Variants in AGBL4 observed in about 807,000 individuals in gnomAD.
The protein encoded by AGBL4 is AGBL carboxypeptidase 4, also known as cytosolic carboxypeptidase 6.
AGBL4 carries 58 observed loss-of-function variants against 66.4 expected under a neutral mutation model. That is an observed-to-expected ratio of 0.87 (90% confidence interval 0.71 to 1.09). AGBL4 has a LOEUF of 1.09. AGBL4 is among the 50% of genes least tolerant of loss of function. The pLI, the probability that AGBL4 is intolerant of heterozygous loss-of-function variation, is 0.00. For synonymous variants in AGBL4, 234 were observed against 222.9 expected, an observed-to-expected ratio of 1.05 and a Z score of -0.44; for missense variants, 579 against 631.0, an observed-to-expected ratio of 0.92 and a Z score of 0.88.
intron 2 of AGBL4, among the ~76,000 whole-genome samples, chr1:49,764,346 C>T (rs1021202924): frequency 3.3e-5 from 5 of 152,270 alleles, no homozygotes; most frequent in Non-Finnish European, 2.9e-5. Context: ...ACAGCCACAC[C>T]GCTTATGCCT....
chr1:49,662,102 T>C (rs559860395), intron 3 of AGBL4, among the ~76,000 whole-genome samples: 1 of 151,542 alleles, frequency 6.6e-6, no homozygotes, highest in South Asian at 2.1e-4. Context: ...TAAAAATCTA[T>C]AACATGGGTG....
chr1:49,413,712 A>G (rs1167260), intron 3 of AGBL4, among the ~76,000 whole-genome samples: 145,882 of 152,256 alleles, frequency 0.96, 69,933 homozygotes, highest in East Asian at 1. Context: ...CACAACAATC[A>G]CAATTTGCCT....
In AGBL4 at chr1:49,387,403, T is replaced by C. The variant is rs145856791; in HGVS notation, c.283-141539A>G. On this transcript the variant is annotated intron_variant, in intron 3 of 13. Transcript: ENST00000371839. Reference sequence around the variant, plus strand: ...TTTAATTAAGCAGCTCAACCTACTTTATTAAAGTTTTGACTATTTTACAGT... The same window carrying C: ...TTTAATTAAGCAGCTCAACCTACTTCATTAAAGTTTTGACTATTTTACAGT... Among the ~76,000 whole-genome samples, 4 of 151,930 alleles carry C rather than the reference T, an allele frequency of 2.6e-5. 1 individual carries two copies. Among genetic ancestry groups the C allele is most frequent in the African/African-American group, 9.7e-5 (4 of 41,426 alleles).
rs1331503142 is a variant in AGBL4, at chr1:49,880,763, C to A, written c.35-29245G>T. ...GGCGGGCGCCCCTCCCCCAGCCTTG[C>A]TGCCGCCTTGCAGTTTGATCTCAGA... On this transcript the variant is annotated intron_variant, in intron 1 of 13. Transcript: ENST00000371839. Among the ~76,000 whole-genome samples the A allele has an allele frequency of 2.6e-4, 39 of 152,028 alleles. 1 individual carries two copies. Among genetic ancestry groups the A allele is most frequent in the Admixed American group, 2.6e-3 (39 of 15,282 alleles).
intron 8 of AGBL4, among the ~76,000 whole-genome samples, chr1:48,647,437 T>C (rs905064866): frequency 3.3e-5 from 5 of 152,246 alleles, no homozygotes; most frequent in African/African-American, 1.2e-4. Context: ...TTTGGACTCA[T>C]TTCTATGGTA....
intron 1 of AGBL4, among the ~76,000 whole-genome samples, chr1:49,936,426 C>T (rs980815031): frequency 1.3e-5 from 2 of 152,158 alleles, no homozygotes; most frequent in Non-Finnish European, 2.9e-5. Flanking sequence ...GGACATTACC[C>T]AGGAGAACTT....
chr1:49,214,609 T>C (rs1648928149), intron 4 of AGBL4, among the ~76,000 whole-genome samples: 1 of 152,072 alleles, frequency 6.6e-6, no homozygotes, highest in Admixed American at 6.6e-5. Context: ...ACAAGTCAAG[T>C]TGCTTGTGGT....
chr1:49,450,959 G>C (rs1391098714), intron 3 of AGBL4, among the ~76,000 whole-genome samples: 2 of 151,960 alleles, frequency 1.3e-5, no homozygotes, highest in Non-Finnish European at 1.5e-5. Context: ...CAGAAATTCG[G>C]CATGATATGA....
At chr1:49,956,868 T>A (rs767707188) in intron 1 of AGBL4, among the ~76,000 whole-genome samples, 1 of 151,970 alleles carries the variant, frequency 6.6e-6, no homozygotes, top group Non-Finnish European at 1.5e-5. Context: ...GATCAGTTTG[T>A]CAAGAGCAAA....
chr1:48,541,994 A>G (rs1569695151), intron 11 of AGBL4, among the ~76,000 whole-genome samples: 1 of 151,828 alleles, frequency 6.6e-6, no homozygotes, highest in East Asian at 1.9e-4. Context: ...CTCCCCTAGC[A>G]CCCAACCCCC....
chr1:49,059,819 A>G (rs967482497), intron 4 of AGBL4, among the ~76,000 whole-genome samples: 1 of 152,098 alleles, frequency 6.6e-6, no homozygotes, highest in Non-Finnish European at 1.5e-5. Context: ...ACCCTATTGG[A>G]TTTCAGACTT....
intron 5 of AGBL4, among the ~76,000 whole-genome samples, chr1:49,029,040 TAGA>T (rs1467397640): frequency 2.0e-5 from 3 of 151,950 alleles, no homozygotes; most frequent in African/African-American, 7.3e-5. Context: ...CTCAACAAAC[TAGA>T]AGAAGAAGAA....
chr1:49,001,276 T>C (rs1661374983), intron 5 of AGBL4, among the ~76,000 whole-genome samples: 1 of 152,218 alleles, frequency 6.6e-6, no homozygotes, highest in Non-Finnish European at 1.5e-5. Context: ...CTTCTTAAAG[T>C]GGCTAATATC....
intron 6 of AGBL4, among the ~76,000 whole-genome samples, chr1:48,801,924 T>C (rs1331272103): frequency 6.6e-6 from 1 of 151,864 alleles, no homozygotes; most frequent in East Asian, 1.9e-4. Context: ...TTTTTTTTTT[T>C]TGACTTCAAA....
intron 1 of AGBL4, among the ~76,000 whole-genome samples, chr1:50,017,707 G>C (rs1189316132): frequency 6.6e-6 from 1 of 152,028 alleles, no homozygotes; most frequent in African/African-American, 2.4e-5. Context: ...ACAAAGAAGG[G>C]AACAAAAGAC....
At chr1:49,781,591 T>C (rs968054461) in intron 2 of AGBL4, among the ~76,000 whole-genome samples, 2 of 151,910 alleles carry the variant, frequency 1.3e-5, no homozygotes, top group Non-Finnish European at 1.5e-5. Flanking sequence ...GGTAGGAAAA[T>C]TGAAAAGAAC....
chr1:49,285,830 G>A (rs1481083680), intron 3 of AGBL4, among the ~76,000 whole-genome samples: 1 of 152,094 alleles, frequency 6.6e-6, no homozygotes, highest in Non-Finnish European at 1.5e-5. Context: ...CCAATCAATA[G>A]AAAAAGAGGG....
intron 4 of AGBL4, among the ~76,000 whole-genome samples, chr1:49,121,291 T>C (rs749005629): frequency 6.6e-6 from 1 of 152,212 alleles, no homozygotes; most frequent in Non-Finnish European, 1.5e-5. Context: ...AGAGGCACTC[T>C]GGTTTGTAGA....
intron 3 of AGBL4, among the ~76,000 whole-genome samples, chr1:49,497,521 G>A (rs575689777): frequency 2.0e-5 from 3 of 151,940 alleles, no homozygotes; most frequent in South Asian, 4.2e-4. Flanking sequence ...ATTTCAAGTC[G>A]TATATTTAAG....
Sources: gnomAD v4.1 joint callset for allele counts (sites outside exome capture counted in the v4.1 genomes callset) on GRCh38, gnomAD v4.1.1 for gene constraint, MANE v1.5 for transcripts, NCBI Gene and HGNC (gene_info 2026-07-23, HGNC 2026-07-21) for gene names.